Variants in LINGO2 observed in about 807,000 individuals in gnomAD.
LINGO2 encodes the protein leucine rich repeat and Ig domain containing 2, also known as leucine-rich repeat and immunoglobulin-like domain-containing nogo receptor-interacting protein 2.
In LINGO2, 14 loss-of-function variants were observed where a neutral mutation model predicts 30.6. The observed-to-expected ratio is 0.46, with a 90% confidence interval of 0.30 to 0.72. The LOEUF is 0.72. LINGO2 is among the 30% of genes least tolerant of loss of function. The pLI is 0.07. For missense variants in LINGO2, 729 were observed against 751.7 expected, an observed-to-expected ratio of 0.97 and a Z score of 0.35; for synonymous variants, 317 against 288.5, an observed-to-expected ratio of 1.10 and a Z score of -1.00.
intron 4 of LINGO2, among the ~76,000 whole-genome samples, chr9:28,269,813 C>T (rs1195217615): frequency 6.6e-6 from 1 of 152,098 alleles, no homozygotes; most frequent in African/African-American, 2.4e-5. Context: ...ACAATTGCTA[C>T]TTAAGTACTG....
intron 3 of LINGO2, among the ~76,000 whole-genome samples, chr9:28,319,821 T>C (rs1339132638): frequency 6.6e-6 from 1 of 152,104 alleles, no homozygotes; most frequent in Non-Finnish European, 1.5e-5. Context: ...TCCAAACTCA[T>C]AGAACTGAAT....
intron 2 of LINGO2, among the ~76,000 whole-genome samples, chr9:28,435,808 C>A (rs1823898545): frequency 6.6e-6 from 1 of 151,872 alleles, no homozygotes; most frequent in Admixed American, 6.6e-5. Flanking sequence ...CAATTGGGGT[C>A]AATGGAGAGT....
chr9:27,997,541 A>G (rs1821730700), intron 5 of LINGO2, among the ~76,000 whole-genome samples: 1 of 152,150 alleles, frequency 6.6e-6, no homozygotes, highest in Non-Finnish European at 1.5e-5. Context: ...CTAATGAATT[A>G]CTAAGTACTT....
Position 28,148,886 on chromosome 9 carries a change from C to G in LINGO2, c.-86-136481G>C. ...GCTGATGGTGGGGGAGGACATGCAG[C>G]CCAAGGATCCTGCAGCTCTTGGGTC... On this transcript the variant is annotated intron_variant, in intron 4 of 5. Transcript: ENST00000379992. This position sits in a 1 kb window ranked among gnomAD's most constrained non-coding sequence, Gnocchi z 5.1. The G allele has an allele frequency of 6.5e-7, 1 of 1,533,748 alleles. No homozygotes were observed. Among genetic ancestry groups the G allele is most frequent in the African/African-American group, 1.4e-5 (1 of 73,090 alleles).
At chr9:28,404,339 T>C (rs1822403863) in intron 2 of LINGO2, among the ~76,000 whole-genome samples, 1 of 143,498 alleles carries the variant, frequency 7.0e-6, no homozygotes, top group South Asian at 2.2e-4. Flanking sequence ...GTGGTAGAGG[T>C]TTAAAGAAAA....
chr9:28,359,524 C>T (rs1018752409), intron 3 of LINGO2, among the ~76,000 whole-genome samples: 6 of 152,256 alleles, frequency 3.9e-5, no homozygotes, highest in African/African-American at 9.6e-5. Context: ...TGTTTTATAA[C>T]TGTACAATCC....
intron 4 of LINGO2, among the ~76,000 whole-genome samples, chr9:28,231,903 T>G: frequency 6.6e-6 from 1 of 152,218 alleles, no homozygotes; most frequent in East Asian, 1.9e-4. Context: ...GCTTTATATA[T>G]ATATATTTTT....
At chr9:27,949,945 C>T in exon 6 of LINGO2, 1 of 1,614,084 alleles carries the variant, frequency 6.2e-7, no homozygotes, top group East Asian at 2.2e-5. Flanking sequence ...AGGCTATTGG[C>T]AGGCATCATA....
intron 1 of LINGO2, among the ~76,000 whole-genome samples, chr9:28,495,728 C>G (rs1339880683): frequency 6.6e-6 from 1 of 152,138 alleles, no homozygotes; most frequent in East Asian, 1.9e-4. Context: ...TCTTGCTTCT[C>G]TAGTTCTTTT....
At chr9:28,462,515 C>A (rs572363402) in intron 2 of LINGO2, among the ~76,000 whole-genome samples, 1 of 151,396 alleles carries the variant, frequency 6.6e-6, no homozygotes, top group Non-Finnish European at 1.5e-5. Flanking sequence ...CAATTGAAGA[C>A]CACAAATAGG....
At chr9:28,706,893 CT>C in the LINGO2 span, among the ~76,000 whole-genome samples, 1 of 151,966 alleles carries the variant, frequency 6.6e-6, no homozygotes, top group Admixed American at 6.6e-5. Flanking sequence ...GTAAATGTTC[CT>C]TTATCTAAAA....
At chr9:29,116,969 A>G in the LINGO2 span, among the ~76,000 whole-genome samples, 1 of 152,196 alleles carries the variant, frequency 6.6e-6, no homozygotes, top group South Asian at 2.1e-4. Flanking sequence ...GATATATTAG[A>G]AAGGACATGT....
intron 3 of LINGO2, among the ~76,000 whole-genome samples, chr9:28,337,295 A>T (rs1825622551): frequency 6.6e-6 from 1 of 152,026 alleles, no homozygotes. Flanking sequence ...AAATTAAAAT[A>T]AAAAATTGAT....
chr9:28,031,513 G>A (rs1383802276), intron 4 of LINGO2, among the ~76,000 whole-genome samples: 1 of 152,068 alleles, frequency 6.6e-6, no homozygotes, highest in Admixed American at 6.5e-5. Context: ...GGATTTTGAT[G>A]GCATCAGATT....
intron 4 of LINGO2, among the ~76,000 whole-genome samples, chr9:28,088,138 G>A (rs1256585563): frequency 6.6e-6 from 1 of 150,922 alleles, no homozygotes; most frequent in Non-Finnish European, 1.5e-5. Context: ...TATAGTATTG[G>A]GATAACAATA....
intron 1 of LINGO2, among the ~76,000 whole-genome samples, chr9:28,493,373 T>C (rs1826479050): frequency 6.6e-6 from 1 of 152,094 alleles, no homozygotes; most frequent in African/African-American, 2.4e-5. Context: ...GGGGGTCTGT[T>C]AGTAAAGATA....
At chr9:29,029,716 G>C in the LINGO2 span, among the ~76,000 whole-genome samples, 6 of 152,066 alleles carry the variant, frequency 3.9e-5, no homozygotes, top group Non-Finnish European at 8.8e-5. Flanking sequence ...GATTCTTCAA[G>C]CCACCTGATA....
chr9:29,037,486 G>A, the LINGO2 span, among the ~76,000 whole-genome samples: 1 of 151,848 alleles, frequency 6.6e-6, no homozygotes, highest in Non-Finnish European at 1.5e-5. Flanking sequence ...AATTTGTCAA[G>A]ACTTTTGGAA....
the LINGO2 span, among the ~76,000 whole-genome samples, chr9:28,767,785 C>A: frequency 6.7e-3 from 650 of 96,490 alleles, no homozygotes; most frequent in East Asian, 0.012. Flanking sequence ...GACTCCATTT[C>A]AAAAAAAAAA....
Sources: gnomAD v4.1 joint callset for allele counts (sites outside exome capture counted in the v4.1 genomes callset) on GRCh38, gnomAD v4.1.1 for gene constraint, Gnocchi (gnomAD v3.1) non-coding constraint, MANE v1.5 for transcripts, NCBI Gene and HGNC (gene_info 2026-07-23, HGNC 2026-07-21) for gene names.